The following MGAT4C variants were observed in gnomAD, a reference collection of about 807,000 sequenced individuals.
MGAT4C encodes the protein alpha-1,3-mannosyl-glycoprotein 4-beta-N-acetylglucosaminyltransferase C.
In MGAT4C, 19 loss-of-function variants were observed where a neutral mutation model predicts 40.1. The observed-to-expected ratio is 0.47, with a 90% CI of 0.33 to 0.70. MGAT4C has a LOEUF of 0.70. Ranked by LOEUF, MGAT4C falls within the 30% of genes least tolerant of loss-of-function variation. MGAT4C has a pLI of 0.02. For missense variants in MGAT4C, 491 were observed against 563.2 expected (o/e 0.87, Z 1.30); for synonymous variants, 181 against 187.1 (o/e 0.97, Z 0.27).
At chr12:86,366,498 T>C (rs1955599117) in intron 3 of MGAT4C, among the ~76,000 whole-genome samples, 1 of 152,150 alleles carries the variant, frequency 6.6e-6, no homozygotes, top group Non-Finnish European at 1.5e-5. Flanking sequence ...ATGTTCTCAG[T>C]TGTAAGTGGG....
intron 1 of MGAT4C, among the ~76,000 whole-genome samples, chr12:86,168,027 C>A (rs1478841703): frequency 6.6e-6 from 1 of 152,052 alleles, no homozygotes; most frequent in Non-Finnish European, 1.5e-5. Context: ...GAAGGTAGAC[C>A]AACTAATGCC....
intron 2 of MGAT4C, among the ~76,000 whole-genome samples, chr12:86,636,517 G>A (rs1479899977): frequency 6.6e-6 from 1 of 151,922 alleles, no homozygotes; most frequent in African/African-American, 2.4e-5. Context: ...CCATCATGAT[G>A]GGATTAGTAC....
rs181273712 is a variant in MGAT4C, at chr12:86,157,228, A to G, written c.-57+99011T>C. Among the ~76,000 whole-genome samples the G allele has an allele frequency of 1.4e-3, 207 of 152,256 alleles. 1 individual carries two copies. The highest frequency in any genetic ancestry group is 2.3e-3 in the Admixed American group (35 of 15,300). On this transcript the variant is annotated intron_variant, in intron 1 of 4. Coordinates refer to ENST00000611864, the MANE Select transcript of MGAT4C (RefSeq NM_001351288.2). ...ATTCATGAACTAAGTAGATGATTAC[A>G]TTTTCCTCTTTTTAACTTAGGACTT...
chr12:86,146,680 T>G (rs1482632355), intron 1 of MGAT4C, among the ~76,000 whole-genome samples: 1 of 151,896 alleles, frequency 6.6e-6, no homozygotes, highest in Non-Finnish European at 1.5e-5. Flanking sequence ...CCATGAATTT[T>G]ATAATATTAT....
At chr12:86,657,567 A>G (rs1397557024) in intron 2 of MGAT4C, among the ~76,000 whole-genome samples, 1 of 151,950 alleles carries the variant, frequency 6.6e-6, no homozygotes, top group Non-Finnish European at 1.5e-5. Flanking sequence ...ACAGTGTTTT[A>G]TTTCATTAAA....
At chr12:86,396,841 A>G (rs1381207745) in intron 3 of MGAT4C, among the ~76,000 whole-genome samples, 4 of 127,128 alleles carry the variant, frequency 3.1e-5, no homozygotes, top group African/African-American at 1.2e-4. Flanking sequence ...ATACTTTCAG[A>G]CACTGTATCC....
chr12:86,761,649 C>T (rs1951408242), intron 1 of MGAT4C, among the ~76,000 whole-genome samples: 1 of 152,044 alleles, frequency 6.6e-6, no homozygotes, highest in African/African-American at 2.4e-5. Context: ...TTCGGATGCT[C>T]TCATGGGAGA....
intron 2 of MGAT4C, among the ~76,000 whole-genome samples, chr12:86,455,009 C>T (rs1957488000): frequency 6.6e-6 from 1 of 151,862 alleles, no homozygotes; most frequent in East Asian, 1.9e-4. Context: ...ATCACTAAGT[C>T]ATTTTATTAT....
At chr12:86,409,779 A>C (rs1463344735) in intron 3 of MGAT4C, among the ~76,000 whole-genome samples, 1 of 152,116 alleles carries the variant, frequency 6.6e-6, no homozygotes, top group African/African-American at 2.4e-5. Context: ...TATTCTCATG[A>C]TATTGAGTTA....
intron 2 of MGAT4C, among the ~76,000 whole-genome samples, chr12:86,603,334 G>C (rs57146176): frequency 7.4e-6 from 1 of 134,274 alleles, no homozygotes; most frequent in African/African-American, 2.8e-5. Flanking sequence ...AAATTATATA[G>C]TATAGTATAT....
chr12:86,705,216 CTCTATCTATCTATCTATCTATCTA>C (rs36154098), intron 2 of MGAT4C, among the ~76,000 whole-genome samples: 7 of 147,588 alleles, frequency 4.7e-5, no homozygotes, highest in African/African-American at 7.5e-5. Context: ...TGTCTATTAT[CTCTATCTATCTATCTATCTATCTA>C]TCTATCTATC....
At chr12:86,178,231 T>C (rs112132680) in intron 1 of MGAT4C, among the ~76,000 whole-genome samples, 8 of 152,314 alleles carry the variant, frequency 5.3e-5, no homozygotes, top group African/African-American at 9.6e-5. Context: ...CTACTGCGCC[T>C]GGCTGATTTT....
At chr12:86,059,032 T>C (rs1893674164) in intron 1 of MGAT4C, among the ~76,000 whole-genome samples, 1 of 152,112 alleles carries the variant, frequency 6.6e-6, no homozygotes, top group Non-Finnish European at 1.5e-5. Context: ...TAACATGTTT[T>C]TTGCTTTTTA....
chr12:86,561,157 C>A (rs941801750), intron 2 of MGAT4C, among the ~76,000 whole-genome samples: 1 of 152,066 alleles, frequency 6.6e-6, no homozygotes, highest in African/African-American at 2.4e-5. Flanking sequence ...ACATATTACA[C>A]AAAACAATCA....
intron 1 of MGAT4C, among the ~76,000 whole-genome samples, chr12:86,782,308 A>C (rs570945643): frequency 6.8e-6 from 1 of 146,534 alleles, no homozygotes; most frequent in Non-Finnish European, 1.5e-5. Flanking sequence ...CAGCCTCCCA[A>C]GTAGCTGGGA....
intron 3 of MGAT4C, among the ~76,000 whole-genome samples, chr12:86,355,974 C>T (rs1222954560): frequency 6.6e-6 from 1 of 151,994 alleles, no homozygotes. Flanking sequence ...GATAGCCACT[C>T]CACAAAGAGG....
intron 4 of MGAT4C, among the ~76,000 whole-genome samples, chr12:86,281,599 G>T (rs1006205350): frequency 1.3e-5 from 2 of 151,748 alleles, no homozygotes; most frequent in African/African-American, 4.8e-5. Context: ...GCCCAAGCTG[G>T]TCTCGAACTC....
intron 2 of MGAT4C, among the ~76,000 whole-genome samples, chr12:86,589,791 C>G (rs928842745): frequency 6.6e-5 from 10 of 151,864 alleles, no homozygotes; most frequent in African/African-American, 2.4e-4. Context: ...TAAACAGAAC[C>G]CAAGACAAAA....
At chr12:86,814,874 C>T (rs571450268) in intron 1 of MGAT4C, among the ~76,000 whole-genome samples, 1 of 152,106 alleles carries the variant, frequency 6.6e-6, no homozygotes, top group South Asian at 2.1e-4. Context: ...TTATTTTGAA[C>T]TTGATCTTGG....
Sources: gnomAD v4.1 joint callset for allele counts (sites outside exome capture counted in the v4.1 genomes callset) on GRCh38, gnomAD v4.1.1 for gene constraint, MANE v1.5 for transcripts, NCBI Gene and HGNC (gene_info 2026-07-23, HGNC 2026-07-21) for gene names.